URI1: variants seen among roughly 807,000 people sequenced by gnomAD.
URI1 encodes URI1 prefoldin like chaperone.
A neutral mutation model predicts 60.2 loss-of-function variants in URI1; 39 were observed. The observed-to-expected ratio is 0.65, with a 90% CI of 0.50 to 0.85. URI1 has a LOEUF of 0.85. Among genes scored for constraint, URI1 ranks in the 40% least tolerant of loss-of-function variants. URI1 has a pLI of 0.00. For missense variants in URI1, 691 were observed against 665.9 expected, an observed-to-expected ratio of 1.04 and a Z score of -0.42; for synonymous variants, 251 against 236.8, an observed-to-expected ratio of 1.06 and a Z score of -0.55.
At chr19:29,996,756 T>C (rs547876377) in intron 4 of URI1, among the ~76,000 whole-genome samples, 1 of 152,096 alleles carries the variant, frequency 6.6e-6, no homozygotes, top group Non-Finnish European at 1.5e-5. Flanking sequence ...ATATGGCCTT[T>C]ATTATGTTAT....
intron 1 of URI1, among the ~76,000 whole-genome samples, chr19:29,955,073 C>T (rs1310446085): frequency 6.6e-6 from 1 of 151,216 alleles, no homozygotes; most frequent in Non-Finnish European, 1.5e-5. Context: ...GGTGCATTCT[C>T]GGCTCCGCCT....
intron 1 of URI1, among the ~76,000 whole-genome samples, chr19:29,945,759 T>TA (rs1287385259): frequency 6.6e-6 from 1 of 152,192 alleles, no homozygotes; most frequent in Non-Finnish European, 1.5e-5. Context: ...TGGTTCCAGT[T>TA]ACGTTTATAT....
At chr19:29,975,466 C>G (rs1439621070) in intron 2 of URI1, among the ~76,000 whole-genome samples, 2 of 150,764 alleles carry the variant, frequency 1.3e-5, no homozygotes, top group Non-Finnish European at 2.9e-5. Context: ...ATAGGTTCCT[C>G]CTAACTTTGT....
At position 29,935,503 on chromosome 19, in the gene URI1, C is replaced by CT. The variant is rs746269972; in HGVS notation, c.63+11758dup. On this transcript the variant is annotated intron_variant, in intron 1 of 10. Coordinates refer to the URI1 transcript ENST00000360605. ...TGTAGTTACTATTTTTATCAGTGTT[C>CT]TTTTTTTTTCTCATCATGGCTTTGA... Among the ~76,000 whole-genome samples, 335 of 151,440 alleles carry CT rather than the reference C, an allele frequency of 2.2e-3. 2 individuals carry two copies. Among genetic ancestry groups the CT allele is most frequent in the Non-Finnish European group, 3.1e-3 (207 of 67,792 alleles).
chr19:29,973,465 C>T (rs111722655), intron 2 of URI1, among the ~76,000 whole-genome samples: 4 of 152,154 alleles, frequency 2.6e-5, no homozygotes, highest in African/African-American at 7.2e-5. Context: ...TTTATGAGTA[C>T]GCACCAGTAT....
At chr19:29,985,992 A>AGT (rs2055663364) in intron 3 of URI1, among the ~76,000 whole-genome samples, 1 of 152,242 alleles carries the variant, frequency 6.6e-6, no homozygotes, top group Non-Finnish European at 1.5e-5. Context: ...GTGAATGAAA[A>AGT]GTATAAACAT....
chr19:30,009,790 T>G (rs1026194959), intron 8 of URI1, among the ~76,000 whole-genome samples: 9 of 152,192 alleles, frequency 5.9e-5, no homozygotes, highest in African/African-American at 1.4e-4. Context: ...AGGGAAAATG[T>G]AGGAGGAAGT....
chr19:29,926,911 C>T (rs564307304), intron 1 of URI1, among the ~76,000 whole-genome samples: 7 of 152,254 alleles, frequency 4.6e-5, no homozygotes, highest in Admixed American at 3.9e-4. Context: ...ATGCATGGCT[C>T]GGGAGAGCAC....
In URI1 at chr19:30,011,079, G is replaced by T; in HGVS notation, c.1036-15G>T. 1 of 1,593,312 alleles carries T rather than the reference G, an allele frequency of 6.3e-7. No individual in the cohort carries two copies. The highest frequency in any genetic ancestry group is 2.3e-5 in the East Asian group (1 of 43,968). On this transcript the variant is annotated splice_polypyrimidine_tract_variant and intron_variant, in intron 8 of 10. Coordinates refer to ENST00000392271, the MANE Select transcript of URI1 (RefSeq NM_003796.3). ...TTTGTCAAAAGATTCTTAATTTCTT[G>T]CTCTGAAATTTTAGGTCCGAATAAA...
intron 1 of URI1, among the ~76,000 whole-genome samples, chr19:29,964,855 G>GTTT (rs1184124643): frequency 7.3e-6 from 1 of 136,772 alleles, no homozygotes; most frequent in Non-Finnish European, 1.6e-5. Context: ...ATATTTTCCT[G>GTTT]TTTTTTTTTT....
chr19:29,954,456 C>T (rs566397428), intron 1 of URI1, among the ~76,000 whole-genome samples: 4 of 151,696 alleles, frequency 2.6e-5, no homozygotes, highest in Non-Finnish European at 5.9e-5. Flanking sequence ...GTTATCCCTA[C>T]TGAGGTAATT....
At chr19:29,976,541 A>G (rs2055524898) in intron 2 of URI1, among the ~76,000 whole-genome samples, 1 of 152,230 alleles carries the variant, frequency 6.6e-6, no homozygotes, top group South Asian at 2.1e-4. Flanking sequence ...CAGATTCACA[A>G]GGTGGGAAGA....
chr19:29,955,614 T>G (rs1373201968), intron 1 of URI1, among the ~76,000 whole-genome samples: 1 of 152,206 alleles, frequency 6.6e-6, no homozygotes, highest in East Asian at 1.9e-4. Context: ...ATTGGCTGTT[T>G]CCTGTGATCT....
intron 1 of URI1, among the ~76,000 whole-genome samples, chr19:29,949,048 G>A (rs1185167979): frequency 6.9e-6 from 1 of 144,266 alleles, no homozygotes; most frequent in African/African-American, 2.5e-5. Context: ...CTGGCCGGGC[G>A]GGGGCTGCCC....
At chr19:29,979,947 C>T (rs1382858542) in intron 2 of URI1, among the ~76,000 whole-genome samples, 3 of 152,046 alleles carry the variant, frequency 2.0e-5, no homozygotes, top group Non-Finnish European at 2.9e-5. Flanking sequence ...GAGGAGTGTT[C>T]CTTTTCCCAC....
At position 29,971,346 on chromosome 19, in the gene URI1, C is replaced by T. The variant is rs1443580892; in HGVS notation, c.152+119C>T. On this transcript the variant is annotated intron_variant, in intron 2 of 10. Transcript: ENST00000392271. ...ATGTATGACTAGTAATTGAATTCTT[C>T]TAGTAGTCTCCATTTTGAATGCCTT... 6.4e-6 allele frequency: 6 copies of T among 936,916 alleles called. No individual in the cohort carries two copies. The African/African-American group carries it at 8.2e-5, about 13-fold the overall frequency. 58.0% of individuals were successfully genotyped at this position (936,916 alleles called of 1,614,324 possible).
intron 1 of URI1, among the ~76,000 whole-genome samples, chr19:29,949,016 G>A (rs1350226807): frequency 4.9e-5 from 6 of 123,692 alleles, no homozygotes; most frequent in African/African-American, 1.2e-4. Context: ...GCTGCCCCCC[G>A]CCTCCCTCCC....
At chr19:29,957,175 C>A (rs1310099286) in intron 1 of URI1, among the ~76,000 whole-genome samples, 1 of 152,028 alleles carries the variant, frequency 6.6e-6, no homozygotes, top group African/African-American at 2.4e-5. Flanking sequence ...TTGACATCTG[C>A]AACTTTTCTT....
chr19:29,959,399 C>G (rs897544085), intron 1 of URI1, among the ~76,000 whole-genome samples: 3 of 152,302 alleles, frequency 2.0e-5, no homozygotes. Flanking sequence ...AAATGATGGA[C>G]TACAGGCTAG....
Sources: allele counts gnomAD v4.1 joint callset (sites outside exome capture counted in the v4.1 genomes callset), GRCh38; gene constraint gnomAD v4.1.1; transcripts MANE v1.5; gene names NCBI Gene and HGNC (gene_info 2026-07-23, HGNC 2026-07-21).